FBXW2: variants seen among roughly 807,000 people sequenced by gnomAD.
FBXW2 encodes the protein F-box/WD repeat-containing protein 2.
Under a neutral mutation model 46.0 loss-of-function variants are expected in FBXW2, and 12 were observed. The observed-to-expected ratio is 0.26, with a 90% confidence interval of 0.17 to 0.42. FBXW2 has a LOEUF of 0.42. Ranked by LOEUF, FBXW2 falls within the 10% of genes least tolerant of loss-of-function variation. The probability of loss-of-function intolerance (pLI) is 1.00; values close to 1 mark genes in which losing one functional copy is unlikely to be tolerated. For missense variants in FBXW2, 360 were observed against 537.0 expected, an observed-to-expected ratio of 0.67 and a Z score of 3.26; for synonymous variants, 203 against 209.6, an observed-to-expected ratio of 0.97 and a Z score of 0.27.
intron 2 of FBXW2, among the ~76,000 whole-genome samples, chr9:120,789,355 C>G (rs1300486282): frequency 6.6e-6 from 1 of 152,132 alleles, no homozygotes; most frequent in Non-Finnish European, 1.5e-5. Flanking sequence ...TGCTCCTGAG[C>G]TAACTGTAAC....
chr9:120,772,479 C>T (rs1436565467), intron 6 of FBXW2, among the ~76,000 whole-genome samples: 1 of 137,724 alleles, frequency 7.3e-6, no homozygotes, highest in Non-Finnish European at 1.5e-5. Context: ...GGCAACAGAG[C>T]GAGACTGTCT....
intron 3 of FBXW2, among the ~76,000 whole-genome samples, chr9:120,779,777 T>C (rs534110328): frequency 7.8e-4 from 119 of 152,286 alleles, no homozygotes; most frequent in African/African-American, 2.7e-3. Context: ...TGAGAGCCAA[T>C]GGTCTAGAAC....
chr9:120,790,328 C>CA, intron 2 of FBXW2, among the ~76,000 whole-genome samples: 1 of 151,976 alleles, frequency 6.6e-6, no homozygotes, highest in Non-Finnish European at 1.5e-5. Context: ...ACTAAAAATA[C>CA]AAAAAATTCC....
At chr9:120,792,191 C>T (rs1237755332) in intron 2 of FBXW2, among the ~76,000 whole-genome samples, 4 of 152,098 alleles carry the variant, frequency 2.6e-5, no homozygotes, top group Non-Finnish European at 5.9e-5. Flanking sequence ...TACCCATTCT[C>T]CCAAAACCTA....
At chr9:120,784,172 T>C (rs2044671409) in intron 3 of FBXW2, among the ~76,000 whole-genome samples, 1 of 152,210 alleles carries the variant, frequency 6.6e-6, no homozygotes, top group Non-Finnish European at 1.5e-5. Context: ...ACCAAGAGAA[T>C]AATCTTAAAA....
chr9:120,792,677 C>A, intron 2 of FBXW2: 1 of 266,914 alleles, frequency 3.7e-6, no homozygotes, highest in Non-Finnish European at 7.4e-6. Flanking sequence ...ATCACTTCAC[C>A]TGTCTCATGC....
rs371387870 is a variant in FBXW2, at chr9:120,774,165, G to A, written c.820-1325C>T. Among the ~76,000 whole-genome samples the A allele has an allele frequency of 2.5e-4, 38 of 152,010 alleles. 1 individual carries two copies. In the East Asian group the frequency reaches 4.1e-3, roughly 16 times the overall value. ...AGCCTGGCCAACACAATGAAACTCC[G>A]TCTCTACTAAAAACACAAAAAATTA... On this transcript the variant is annotated intron_variant, in intron 5 of 7. Coordinates refer to ENST00000608872, the MANE Select transcript of FBXW2 (RefSeq NM_012164.4).
chr9:120,758,638 G>C lies in FBXW2; in HGVS notation c.*5921C>G, dbSNP rs938285278. ...CAGGTGTGTGGGGGCTGAAAATCAG[G>C]GCTTCAGCCTCACCACTTACTATAA... On this transcript the variant is annotated 3_prime_UTR_variant, in exon 8 of 8. Coordinates refer to ENST00000608872, the MANE Select transcript of FBXW2 (RefSeq NM_012164.4). The C allele has an allele frequency of 6.6e-6, 1 of 152,246 alleles. No homozygotes were observed. The highest frequency in any genetic ancestry group is 6.5e-5 in the Admixed American group (1 of 15,292). 9.4% of individuals were successfully genotyped at this position (152,246 alleles called of 1,614,324 possible). A position where few individuals can be genotyped will look rare whatever the true frequency, so the allele number is the denominator to read the frequency against.
intron 3 of FBXW2, among the ~76,000 whole-genome samples, chr9:120,785,684 A>G (rs141424473): frequency 6.6e-6 from 1 of 152,176 alleles, no homozygotes; most frequent in Non-Finnish European, 1.5e-5. Context: ...GTTACTTAAC[A>G]CTATATTGGT....
intron 5 of FBXW2, among the ~76,000 whole-genome samples, chr9:120,775,885 C>A (rs1486906945): frequency 6.6e-6 from 1 of 152,116 alleles, no homozygotes; most frequent in Non-Finnish European, 1.5e-5. Context: ...ATATTGTGGG[C>A]AACTTTCCAT....
At chr9:120,790,819 A>AT (rs199613154) in intron 2 of FBXW2, among the ~76,000 whole-genome samples, 1 of 152,216 alleles carries the variant, frequency 6.6e-6, no homozygotes, top group Non-Finnish European at 1.5e-5. Flanking sequence ...TAGAACTTAA[A>AT]TTTAAAAAAA....
chr9:120,777,319 G>C (rs967546336), intron 4 of FBXW2, among the ~76,000 whole-genome samples: 1 of 152,166 alleles, frequency 6.6e-6, no homozygotes, highest in South Asian at 2.1e-4. Context: ...GTATATAGGA[G>C]GACAAATAAA....
chr9:120,793,396 G>C lies in FBXW2; in HGVS notation c.-172C>G, dbSNP rs1008324952. ...GCTCCCGGTCCGCAGCCTCACAGGG[G>C]AGCGGCTTCCGGTGCTGCCTGCGTC... On this transcript the variant is annotated 5_prime_UTR_variant, in exon 1 of 8. Transcript: ENST00000608872. 7.5e-6 allele frequency: 3 copies of C among 400,068 alleles called. No homozygotes were observed. The highest frequency in any genetic ancestry group is 7.1e-5 in the East Asian group (2 of 28,072). The allele number at this position is 400,068 out of a possible 1,614,324, so 24.8% of individuals were successfully genotyped here.
chr9:120,785,074 T>C lies in FBXW2; in HGVS notation c.490+2695A>G, dbSNP rs181334044. On this transcript the variant is annotated intron_variant, in intron 3 of 7. Coordinates refer to ENST00000608872, the MANE Select transcript of FBXW2 (RefSeq NM_012164.4). ...CCCAGGCTGGAGTGCAGTGGCACAA[T>C]CTTAGCTCACTGCAACCTCCACCTC... is the stretch of plus-strand genomic sequence containing the variant. 1.1e-3 allele frequency among the ~76,000 whole-genome samples: 162 copies of C among 150,988 alleles called. 2 individuals are homozygous for C. The East Asian group carries it at 0.023, about 22-fold the overall frequency.
At chr9:120,772,365 C>T (rs113660238) in intron 6 of FBXW2, among the ~76,000 whole-genome samples, 10,735 of 151,914 alleles carry the variant, frequency 0.071, 514 homozygotes, top group Non-Finnish European at 0.098. Flanking sequence ...TGGTAGCAGG[C>T]GCCTGTAGTC....
At chr9:120,787,605 A>T (rs1414797433) in intron 3 of FBXW2, among the ~76,000 whole-genome samples, 164 bp downstream of exon 3, 2 of 152,156 alleles carry the variant, frequency 1.3e-5, no homozygotes, top group African/African-American at 2.4e-5. Flanking sequence ...TCTAGAGAGA[A>T]GGAAGAGGAT....
intron 7 of FBXW2, among the ~76,000 whole-genome samples, chr9:120,766,229 T>C (rs2044273195): frequency 6.6e-6 from 1 of 151,758 alleles, no homozygotes; most frequent in South Asian, 2.1e-4. Context: ...AAGGAAAGAG[T>C]TGGCAGGCAT....
chr9:120,765,626 C>T (rs2044262987), intron 7 of FBXW2, among the ~76,000 whole-genome samples: 1 of 152,126 alleles, frequency 6.6e-6, no homozygotes, highest in South Asian at 2.1e-4. Flanking sequence ...TACTGGAACA[C>T]CCTGAAGCCC....
At chr9:120,766,357 C>T (rs559573936) in intron 7 of FBXW2, among the ~76,000 whole-genome samples, 1 of 152,172 alleles carries the variant, frequency 6.6e-6, no homozygotes, top group Non-Finnish European at 1.5e-5. Context: ...ACAAAGGAGC[C>T]AATTTCAGTC....
Sources: gnomAD v4.1 joint callset for allele counts (sites outside exome capture counted in the v4.1 genomes callset) on GRCh38, gnomAD v4.1.1 for gene constraint, MANE v1.5 for transcripts, NCBI Gene and HGNC (gene_info 2026-07-23, HGNC 2026-07-21) for gene names.